SEMA7A: variants seen among roughly 807,000 people sequenced by gnomAD.
The protein encoded by SEMA7A is semaphorin 7A (JohnMiltonHagen blood group), also known as semaphorin-7A.
Under a neutral mutation model 67.5 loss-of-function variants are expected in SEMA7A, and 21 were observed. That is an observed-to-expected ratio of 0.31 (90% confidence interval 0.22 to 0.45). SEMA7A has a LOEUF of 0.45. Among genes scored for constraint, SEMA7A ranks in the 20% least tolerant of loss-of-function variants. SEMA7A has a pLI of 1.00. For synonymous variants in SEMA7A, 364 were observed against 368.5 expected (o/e 0.99, Z 0.14); for missense variants, 774 against 908.6 (o/e 0.85, Z 1.90).
Position 74,423,994 on chromosome 15 carries a change from G to A in SEMA7A, c.179-5042C>T, listed in dbSNP as rs575630791. On this transcript the variant is annotated intron_variant, in intron 1 of 13. Coordinates refer to ENST00000261918, the MANE Select transcript of SEMA7A (RefSeq NM_003612.5). The surrounding 1 kb of genome is among the most constrained non-coding windows in gnomAD (Gnocchi z 4.1). ...GTGCTGGGGCAGGTGGTGGGGCCTC[G>A]AGACAGCACTCAGCTCATGGAGGAC... Among the ~76,000 whole-genome samples, 1 of 152,182 alleles carries A rather than the reference G, an allele frequency of 6.6e-6. No homozygotes were observed. Among genetic ancestry groups the A allele is most frequent in the East Asian group, 1.9e-4 (1 of 5,178 alleles).
chr15:74,412,076 C>T lies in SEMA7A; in HGVS notation c.1295-64G>A, dbSNP rs573491093. 9.4e-6 allele frequency: 15 copies of T among 1,593,892 alleles called. No individual in the cohort carries two copies. The African/African-American group carries it at 1.9e-4, about 20-fold the overall frequency. Reference sequence around the variant, plus strand: ...CACTGAGGGGCCAGGCAGCTTTCCTCTAGGCCGGGGAGGGGTGGGAAGTCA... The same window carrying T: ...CACTGAGGGGCCAGGCAGCTTTCCTTTAGGCCGGGGAGGGGTGGGAAGTCA... On this transcript the variant is annotated intron_variant, in intron 10 of 13. Transcript: ENST00000261918.
At chr15:74,433,566 G>C (rs1414627147) in intron 1 of SEMA7A, 175 bp downstream of exon 1, 23 of 1,221,982 alleles carry the variant, frequency 1.9e-5, no homozygotes, top group Non-Finnish European at 2.1e-5. Flanking sequence ...TGGTGTGCCA[G>C]CGTGTACACT....
chr15:74,414,507 T>C lies in SEMA7A; in HGVS notation c.1294+40A>G, dbSNP rs768925498. On this transcript the variant is annotated intron_variant, in intron 10 of 13. Coordinates refer to ENST00000261918, the MANE Select transcript of SEMA7A (RefSeq NM_003612.5). This position sits in a 1 kb window ranked among gnomAD's most constrained non-coding sequence, Gnocchi z 4.1. ...TATTCCTTACACCTTTCATGCCCGT[T>C]TTTACAAAGCAAACTGAGGGTCCCG... is the stretch of plus-strand genomic sequence containing the variant. 6.3e-7 allele frequency: 1 copy of C among 1,591,940 alleles called. No individual in the cohort carries two copies. Among genetic ancestry groups the C allele is most frequent in the South Asian group, 1.1e-5 (1 of 90,478 alleles).
intron 1 of SEMA7A, chr15:74,427,201 T>C (rs2141289470): frequency 5.1e-6 from 5 of 985,050 alleles, no homozygotes; most frequent in Non-Finnish European, 6.0e-6. Context: ...GCTCAGATCA[T>C]GCTGTCTGAT....
intron 6 of SEMA7A, among the ~76,000 whole-genome samples, chr15:74,416,983 G>T (rs894351104): frequency 3.3e-5 from 5 of 152,162 alleles, no homozygotes; most frequent in African/African-American, 1.2e-4. Context: ...GTCCCTGGGG[G>T]CCCCTATGTC....
chr15:74,414,726 G>C lies in SEMA7A; in HGVS notation c.1115C>G (p.Pro372Arg), dbSNP rs774178143. The change falls in exon 10 of 14, where the codon CCG (proline) becomes CGG (arginine). Residue 372 changes from proline (P) to arginine (R), a missense_variant. By Grantham distance (103) the Pro-to-Arg change is moderately radical. Transcript: ENST00000261918. The surrounding 1 kb of genome is among the most constrained non-coding windows in gnomAD (Gnocchi z 4.1). ...CACCTGGAAGGTCTCTGTGGGTATC[G>C]GCTGCTGGTCTGGGAGGCACTGGGC... ...RPGKCLPDQQ[P>R]IPTETFQVAD... 6.2e-7 allele frequency: 1 copy of C among 1,614,152 alleles called. No individual in the cohort carries two copies. Among genetic ancestry groups the C allele is most frequent in the Non-Finnish European group, 8.5e-7 (1 of 1,180,038 alleles).
rs765249995 is a variant in SEMA7A at position 74,418,443 on chromosome 15, C to T, written c.331-134G>A. 3 of 869,310 alleles carry T rather than the reference C, an allele frequency of 3.5e-6. No individual in the cohort carries two copies. The East Asian group carries it at 8.0e-5, about 23-fold the overall frequency. The allele number at this position is 869,310 out of a possible 1,614,324, so 53.8% of individuals were successfully genotyped here. ...ATCTGACAGATGAGCAACTGGGGCT[C>T]TGAGAGGGTGAGTGATCTACCTGAG... On this transcript the variant is annotated intron_variant, in intron 2 of 13. Transcript: ENST00000261918.
chr15:74,417,620 G>C lies in SEMA7A; in HGVS notation c.521C>G (p.Pro174Arg), dbSNP rs140327601. Residue 174 changes from proline (P) to arginine (R), a missense_variant, in exon 5 of 14, where the codon CCG (proline) becomes CGG (arginine). Coordinates refer to ENST00000261918, the MANE Select transcript of SEMA7A (RefSeq NM_003612.5). ...GEMRGYAPFS[P>R]DENSLVLFEG... ...AAACAGAACCAGGGAGTTCTCGTCC[G>C]GGCTGAAGGGGGCGTAGCCTCTCAT... 3 of 1,612,666 alleles carry C rather than the reference G, an allele frequency of 1.9e-6. No individual in the cohort carries two copies. Among genetic ancestry groups the C allele is most frequent in the Non-Finnish European group, 2.5e-6 (3 of 1,179,916 alleles).
chr15:74,411,717 G>A lies in SEMA7A; in HGVS notation c.1423-7C>T, dbSNP rs1333720405. The A allele has an allele frequency of 6.2e-7, 1 of 1,612,554 alleles. No homozygotes were observed. Among genetic ancestry groups the A allele is most frequent in the Admixed American group, 1.7e-5 (1 of 60,000 alleles). On this transcript the variant is annotated splice_polypyrimidine_tract_variant and splice_region_variant and intron_variant, in intron 11 of 13. Coordinates refer to ENST00000261918, the MANE Select transcript of SEMA7A (RefSeq NM_003612.5). The surrounding 1 kb of genome is among the most constrained non-coding windows in gnomAD (Gnocchi z 4.4). Reference sequence around the variant, plus strand: ...AGCTCACATACAGCTTCCTCTGGAAGGACAGCAGGATTGGGTCAGGCCCGG... The same window carrying A: ...AGCTCACATACAGCTTCCTCTGGAAAGACAGCAGGATTGGGTCAGGCCCGG...
intron 1 of SEMA7A, 189 bp downstream of exon 1, chr15:74,433,552 G>C (rs1342726558): frequency 8.2e-7 from 1 of 1,215,090 alleles, no homozygotes; most frequent in Non-Finnish European, 1.0e-6. Flanking sequence ...GTTACAGCCG[G>C]CTCTGGTGTG....
Position 74,417,243 on chromosome 15 carries a change from G to GT in SEMA7A, c.661+91_661+92insA. The stretch of plus-strand genomic sequence containing the variant: ...TCCTGCATGGCCCCAGCGGCCCTCA[G>GT]GGAGCCCTCCCAGAAACATCAGGAT... On this transcript the variant is annotated intron_variant, in intron 6 of 13. Transcript: ENST00000261918. 3 of 1,028,970 alleles carry GT rather than the reference G, an allele frequency of 2.9e-6. No homozygotes were observed. The East Asian group carries it at 7.1e-5, about 24-fold the overall frequency. 63.7% of individuals were successfully genotyped at this position (1,028,970 alleles called of 1,614,324 possible). A position where few individuals can be genotyped will look rare whatever the true frequency, so the allele number is the denominator to read the frequency against.
rs376016282 is a variant in SEMA7A at position 74,411,960 on chromosome 15, G to A, written c.1347C>T (p.Phe449=). The A allele has an allele frequency of 1.4e-5, 23 of 1,613,874 alleles. No individual in the cohort carries two copies. The highest frequency in any genetic ancestry group is 5.5e-5 in the South Asian group (5 of 91,070). ...VVEPGEQEHS[F]AFNIMEIQPF... is the part of the protein sequence containing the mutation. ...GCTGGATCTCCATGATGTTGAAGGC[G>A]AAGCTGTGCTCCTGCTCCCCCGGTT... The change falls in exon 11 of 14, where the codon TTC becomes TTT. Residue 449 remains phenylalanine (F), a synonymous_variant. Transcript: ENST00000261918. The surrounding 1 kb of genome is among the most constrained non-coding windows in gnomAD (Gnocchi z 4.4).
chr15:74,433,685 ACCCGCCCCGCGCAGCGTCTGAT>A, intron 1 of SEMA7A, 34 bp downstream of exon 1: 1 of 1,371,760 alleles, frequency 7.3e-7, no homozygotes, highest in South Asian at 1.7e-5. Context: ...CACACTCCGC[ACCCGCCCCGCGCAGCGTCTGAT>A]CCCGCGCCTG....
intron 10 of SEMA7A, among the ~76,000 whole-genome samples, chr15:74,413,491 T>A (rs1244823487): frequency 6.6e-6 from 1 of 152,218 alleles, no homozygotes; most frequent in Non-Finnish European, 1.5e-5. Context: ...TTCCTTGTCC[T>A]AGCTCCTGCT....
At chr15:74,428,323 T>C (rs1371313885) in intron 1 of SEMA7A, among the ~76,000 whole-genome samples, 2 of 151,932 alleles carry the variant, frequency 1.3e-5, no homozygotes, top group Non-Finnish European at 2.9e-5. Context: ...GACAGAAAGC[T>C]GGAAACAGGC....
chr15:74,430,570 C>T (rs569664371), intron 1 of SEMA7A, among the ~76,000 whole-genome samples: 2 of 152,330 alleles, frequency 1.3e-5, no homozygotes, highest in African/African-American at 2.4e-5. Context: ...TCCATTCCAC[C>T]GGACCTGCTC....
At position 74,411,352 on chromosome 15, in the gene SEMA7A, CTGACCTG is replaced by C; in HGVS notation, c.1578-3_1581del. On this transcript the variant is annotated splice_acceptor_variant and splice_polypyrimidine_tract_variant and coding_sequence_variant and intron_variant, in exon 13 of 14. Transcript: ENST00000261918. LOFTEE classifies it high-confidence loss of function. This position sits in a 1 kb window ranked among gnomAD's most constrained non-coding sequence, Gnocchi z 4.4. ...TCGGCTGGATTAATGGATTGCAGCACTGACCTGGAGTGGGAAGGACGAAAGAGGATCA... is the reference window on the plus strand; with the variant it reads ...TCGGCTGGATTAATGGATTGCAGCACGAGTGGGAAGGACGAAAGAGGATCA... The C allele has an allele frequency of 2.5e-6, 4 of 1,614,014 alleles. No homozygotes were observed. The highest frequency in any genetic ancestry group is 3.4e-6 in the Non-Finnish European group (4 of 1,179,946).
At chr15:74,412,556 CA>C (rs1023721316) in intron 10 of SEMA7A, among the ~76,000 whole-genome samples, 4 of 152,090 alleles carry the variant, frequency 2.6e-5, no homozygotes, top group African/African-American at 2.4e-5. Context: ...ACTTTAAATA[CA>C]TTTTTTTTTT....
At position 74,418,813 on chromosome 15, in the gene SEMA7A, T is replaced by G. The variant is rs367899179; in HGVS notation, c.318A>C (p.Ala106=). The G allele has an allele frequency of 1.9e-6, 3 of 1,613,706 alleles. No homozygotes were observed. The highest frequency in any genetic ancestry group is 2.2e-5 in the East Asian group (1 of 44,874). The change falls in exon 2 of 14, where the codon GCA becomes GCC. Residue 106 remains alanine, a synonymous_variant. Transcript: ENST00000261918. ...YLFDFPEGKN[A]SVRTVNIGST... is the part of the protein sequence containing the mutation. ...GAGAGAGGCTCACCGTGCGCACAGA[T>G]GCGTTCTTGCCCTCGGGGAAGTCAA... is the stretch of plus-strand genomic sequence containing the variant.
Sources: gnomAD v4.1 joint callset for allele counts (sites outside exome capture counted in the v4.1 genomes callset) on GRCh38, gnomAD v4.1.1 for gene constraint, Gnocchi (gnomAD v3.1) non-coding constraint, MANE v1.5 for transcripts, NCBI Gene and HGNC (gene_info 2026-07-23, HGNC 2026-07-21) for gene names.